PCDH15: variants seen among roughly 807,000 people sequenced by gnomAD.
The protein encoded by PCDH15 is protocadherin related 15, also known as protocadherin-15.
In PCDH15, 129 loss-of-function variants were observed where a neutral mutation model predicts 178.5. The ratio of observed to expected loss-of-function variants is 0.72; its 90% CI spans 0.63 to 0.84. The LOEUF is 0.84. PCDH15 is among the 40% of genes least tolerant of loss of function. The pLI is 0.00. For synonymous variants in PCDH15, 800 were observed against 732.0 expected (o/e 1.09, Z -1.50); for missense variants, 2,230 against 2,099.9 (o/e 1.06, Z -1.21).
At chr10:55,056,832 C>A (rs1214134307) in intron 2 of PCDH15, among the ~76,000 whole-genome samples, 1 of 151,680 alleles carries the variant, frequency 6.6e-6, no homozygotes. Context: ...AAGAGTTTCA[C>A]CGTATTGCAC....
intron 2 of PCDH15, among the ~76,000 whole-genome samples, chr10:55,395,041 A>G (rs1379492542): frequency 6.6e-6 from 1 of 152,156 alleles, no homozygotes; most frequent in Admixed American, 6.6e-5. Flanking sequence ...TTTATAAAAT[A>G]ACAATCACAA....
At chr10:54,700,831 G>A (rs1268663986) in intron 1 of PCDH15, among the ~76,000 whole-genome samples, 2 of 151,738 alleles carry the variant, frequency 1.3e-5, no homozygotes, top group Non-Finnish European at 2.9e-5. Context: ...CTCACCCAAG[G>A]GCCAACACTT....
chr10:54,718,441 G>T (rs1290351614), intron 1 of PCDH15, among the ~76,000 whole-genome samples: 3 of 151,930 alleles, frequency 2.0e-5, no homozygotes, highest in Non-Finnish European at 4.4e-5. Context: ...ATCATACAAA[G>T]GCTATATGTA....
chr10:54,844,008 C>A (rs763325010), intron 3 of PCDH15, among the ~76,000 whole-genome samples: 10 of 151,956 alleles, frequency 6.6e-5, no homozygotes, highest in African/African-American at 9.7e-5. Flanking sequence ...TAACACAGAG[C>A]ATGGCTGAAA....
chr10:54,029,496 T>G (rs1195758765), intron 18 of PCDH15, among the ~76,000 whole-genome samples: 1 of 152,176 alleles, frequency 6.6e-6, no homozygotes, highest in Non-Finnish European at 1.5e-5. Flanking sequence ...GAATGCATAT[T>G]GCTGGGAAAT....
At chr10:55,542,296 TACAATATGTCCATATATGG>T (rs1841780786) in intron 2 of PCDH15, among the ~76,000 whole-genome samples, 1 of 151,168 alleles carries the variant, frequency 6.6e-6, no homozygotes, top group Non-Finnish European at 1.5e-5. Flanking sequence ...TGGACATATG[TACAATATGTCCATATATGG>T]ACATATATAC....
rs536832357 is a variant in PCDH15, at chr10:55,065,973, T to G, written c.-80+100603A>C. 2.6e-4 allele frequency among the ~76,000 whole-genome samples: 39 copies of G among 152,102 alleles called. No individual in the cohort carries two copies. The South Asian group carries it at 4.1e-3, about 16-fold the overall frequency. ...CTTTGGTCAAAATACAAAGGCCACT[T>G]TATACATACAAGTCCCACTATTCCC... On this transcript the variant is annotated intron_variant, in intron 2 of 5. Transcript: ENST00000458638.
At chr10:55,165,155 G>T (rs1839163595) in intron 2 of PCDH15, among the ~76,000 whole-genome samples, 1 of 151,906 alleles carries the variant, frequency 6.6e-6, no homozygotes, top group Non-Finnish European at 1.5e-5. Flanking sequence ...TGAAAATTTT[G>T]TCTTTTCAAG....
At chr10:54,257,530 A>T (rs1265749771) in intron 8 of PCDH15, among the ~76,000 whole-genome samples, 1 of 151,580 alleles carries the variant, frequency 6.6e-6, no homozygotes, top group Non-Finnish European at 1.5e-5. Context: ...ATTTTTCAGA[A>T]ATTTAAATTG....
chr10:55,615,180 A>T (rs986526858), intron 2 of PCDH15, among the ~76,000 whole-genome samples: 2 of 152,112 alleles, frequency 1.3e-5, no homozygotes, highest in Non-Finnish European at 2.9e-5. Flanking sequence ...AAACAATTGT[A>T]TGCAAATAAT....
chr10:54,935,991 C>T (rs1231491916), intron 2 of PCDH15, among the ~76,000 whole-genome samples: 6 of 152,144 alleles, frequency 3.9e-5, no homozygotes, highest in Non-Finnish European at 7.4e-5. Flanking sequence ...ATTCTCATAA[C>T]ATTTTATTCA....
chr10:54,415,393 A>G (rs1954176124), intron 3 of PCDH15, among the ~76,000 whole-genome samples: 1 of 152,066 alleles, frequency 6.6e-6, no homozygotes, highest in East Asian at 1.9e-4. Context: ...GTTTAAAAAA[A>G]TCAGACAGAG....
chr10:54,066,830 A>G lies in PCDH15; in HGVS notation c.2147T>C (p.Val716Ala), dbSNP rs1164909091. ...VVTDVNDNAPVFDPYLPRNLS... is the reference protein window; with the variant it reads ...VVTDVNDNAPAFDPYLPRNLS... ...ATTTCTTGGCAGATAAGGATCAAACACTGGAGCATTGTCATTGACATCTGT... is the reference window on the plus strand; with the variant it reads ...ATTTCTTGGCAGATAAGGATCAAACGCTGGAGCATTGTCATTGACATCTGT... Residue 716 changes from valine to alanine, a missense_variant, in exon 18 of 38, where the codon GTG becomes GCG. By Grantham distance (64) the Val-to-Ala change is moderately conservative. Coordinates refer to ENST00000644397, the MANE Select transcript of PCDH15 (RefSeq NM_001384140.1). 1.2e-6 allele frequency: 2 copies of G among 1,613,372 alleles called. No individual in the cohort carries two copies. The highest frequency in any genetic ancestry group is 1.7e-6 in the Non-Finnish European group (2 of 1,179,596).
intron 9 of PCDH15, among the ~76,000 whole-genome samples, chr10:54,218,810 A>G (rs1373137050): frequency 2.0e-5 from 3 of 152,210 alleles, no homozygotes; most frequent in Admixed American, 6.5e-5. Flanking sequence ...ATTTATAGGA[A>G]ACATGGGACA....
intron 2 of PCDH15, among the ~76,000 whole-genome samples, chr10:55,527,555 G>T (rs1423077529): frequency 6.6e-6 from 1 of 151,936 alleles, no homozygotes; most frequent in South Asian, 2.1e-4. Context: ...GTTTCTAGGT[G>T]TAAGGACTTC....
chr10:54,245,523 T>C lies in PCDH15; in HGVS notation c.877-8592A>G, dbSNP rs115748480. 9.0e-3 allele frequency among the ~76,000 whole-genome samples: 1,375 copies of C among 152,250 alleles called. 23 individuals are homozygous for C. Among genetic ancestry groups the C allele is most frequent in the African/African-American group, 0.031 (1,302 of 41,572 alleles). ...AGATACATCTTTGGTCGATTGCTTA[T>C]GCCAAATAAATTTTTGTAGAACAAA... On this transcript the variant is annotated intron_variant, in intron 8 of 37. Transcript: ENST00000644397.
chr10:53,806,914 G>A lies in PCDH15; in HGVS notation c.4888C>T (p.Arg1630Ter), dbSNP rs185389206. 10 of 1,613,806 alleles carry A rather than the reference G, an allele frequency of 6.2e-6. No homozygotes were observed. The highest frequency in any genetic ancestry group is 3.3e-5 in the Admixed American group (2 of 59,998). Reference sequence around the variant, plus strand: ...AGTTTCTTAAAGGGCCCTCCCAGTCGAACAGGGGAAGCAACTTTTAAGTTG... The same window carrying A: ...AGTTTCTTAAAGGGCCCTCCCAGTCAAACAGGGGAAGCAACTTTTAAGTTG... ...TDNLKVASPV[R>*]LGGPFKKLDK... The change falls in exon 38 of 38, where the codon CGA (arginine) becomes TGA (stop). Residue 1630 changes from arginine (R) to a stop codon, truncating the protein, a stop_gained. Coordinates refer to ENST00000644397, the MANE Select transcript of PCDH15 (RefSeq NM_001384140.1). LOFTEE classifies it high-confidence loss of function.
intron 18 of PCDH15, among the ~76,000 whole-genome samples, chr10:54,040,054 C>G (rs2093507506): frequency 6.6e-6 from 1 of 151,962 alleles, no homozygotes; most frequent in African/African-American, 2.4e-5. Flanking sequence ...TTTAGTCATG[C>G]AAATCATGCA....
At chr10:54,582,945 T>C (rs2091165460) in intron 2 of PCDH15, among the ~76,000 whole-genome samples, 1 of 152,148 alleles carries the variant, frequency 6.6e-6, no homozygotes, top group South Asian at 2.1e-4. Flanking sequence ...CATGTTTTCC[T>C]TTATTTAGCA....
Sources: gnomAD v4.1 joint callset for allele counts (sites outside exome capture counted in the v4.1 genomes callset) on GRCh38, gnomAD v4.1.1 for gene constraint, MANE v1.5 for transcripts, NCBI Gene and HGNC (gene_info 2026-07-23, HGNC 2026-07-21) for gene names.